Variants in PKD2L1 observed in about 807,000 individuals in gnomAD.
The protein encoded by PKD2L1 is polycystin-2-like protein 1.
PKD2L1 carries 77 observed loss-of-function variants against 93.0 expected under a neutral mutation model. That is an observed-to-expected ratio of 0.83 (90% CI 0.69 to 1.00). The LOEUF is 1.00. PKD2L1 is among the 50% of genes least tolerant of loss of function. PKD2L1 has a pLI of 0.00. For missense variants in PKD2L1, 977 were observed against 990.9 expected (o/e 0.99, Z 0.19); for synonymous variants, 390 against 388.0 (o/e 1.01, Z -0.06).
intron 2 of PKD2L1, among the ~76,000 whole-genome samples, chr10:100,318,885 C>A (rs1381439251): frequency 6.9e-6 from 1 of 144,916 alleles, no homozygotes; most frequent in Non-Finnish European, 1.5e-5. Flanking sequence ...CTCACTCTGT[C>A]GCCCAGGCTG....
At position 100,290,117 on chromosome 10, in the gene PKD2L1, C is replaced by T. The variant is rs373997105; in HGVS notation, c.2148G>A (p.Gln716=). 2 of 1,614,002 alleles carry T rather than the reference C, an allele frequency of 1.2e-6. No individual in the cohort carries two copies. Among genetic ancestry groups the T allele is most frequent in the African/African-American group, 2.7e-5 (2 of 74,920 alleles). The change falls in exon 14 of 16, where the codon CAG becomes CAA. Residue 716 remains glutamine (Q), a synonymous_variant. Coordinates refer to ENST00000318222, the MANE Select transcript of PKD2L1 (RefSeq NM_016112.3). ...CTACTCCTTCCAGGACAGTCTCCAGCTGCAGAACTCTCCTTGTGAGCCTGT... is the reference window on the plus strand; with the variant it reads ...CTACTCCTTCCAGGACAGTCTCCAGTTGCAGAACTCTCCTTGTGAGCCTGT... The part of the protein sequence containing the change: ...EFYMLTRRVL[Q]LETVLEGVVS...
Position 100,295,008 on chromosome 10 carries a change from T to C in PKD2L1, c.1472A>G (p.Tyr491Cys), listed in dbSNP as rs991086889. Reference sequence around the variant, plus strand: ...GAAAAGCAGGTAGCCGAGTTGGGCATAGGCGAAGAAAACAATGAAGAACAT... The same window carrying C: ...GAAAAGCAGGTAGCCGAGTTGGGCACAGGCGAAGAAAACAATGAAGAACAT... Reference protein sequence around the residue: ...AVMFFIVFFAYAQLGYLLFGT... With the variant: ...AVMFFIVFFACAQLGYLLFGT... The change falls in exon 8 of 16, where the codon TAT becomes TGT. Residue 491 changes from tyrosine to cysteine, a missense_variant. Transcript: ENST00000318222. 5.6e-6 allele frequency: 9 copies of C among 1,614,112 alleles called. No individual in the cohort carries two copies. Among genetic ancestry groups the C allele is most frequent in the Admixed American group, 1.7e-5 (1 of 60,004 alleles).
At chr10:100,307,554 G>A (rs1285284356) in intron 2 of PKD2L1, among the ~76,000 whole-genome samples, 1 of 152,180 alleles carries the variant, frequency 6.6e-6, no homozygotes. Context: ...CAGCTACTTG[G>A]GAGGCTAAGG....
chr10:100,288,858 A>G (rs190608972), intron 15 of PKD2L1, 114 bp downstream of exon 15: 137 of 638,908 alleles, frequency 2.1e-4, no homozygotes, highest in Middle Eastern at 4.4e-4. Flanking sequence ...GGGGCTCAGC[A>G]GCAGCCATGA....
intron 2 of PKD2L1, among the ~76,000 whole-genome samples, chr10:100,316,540 T>C (rs780436016): frequency 2.0e-5 from 3 of 152,210 alleles, no homozygotes; most frequent in Non-Finnish European, 4.4e-5. Flanking sequence ...TTCATAAATG[T>C]TTGAATGAAT....
At chr10:100,312,226 G>C (rs1211034756) in intron 2 of PKD2L1, among the ~76,000 whole-genome samples, 3 of 152,214 alleles carry the variant, frequency 2.0e-5, no homozygotes, top group Admixed American at 6.5e-5. Context: ...GACTACAACT[G>C]AGAGAACTAG....
At chr10:100,290,884 G>A (rs1371198319) in intron 12 of PKD2L1, among the ~76,000 whole-genome samples, 1 of 152,222 alleles carries the variant, frequency 6.6e-6, no homozygotes, top group Non-Finnish European at 1.5e-5. Context: ...AGCAGGCACA[G>A]TAGGGACAGC....
chr10:100,305,918 C>T (rs1848788688), intron 2 of PKD2L1, among the ~76,000 whole-genome samples: 1 of 152,128 alleles, frequency 6.6e-6, no homozygotes, highest in South Asian at 2.1e-4. Context: ...GTACAGGGCT[C>T]ACTCGTATAA....
intron 2 of PKD2L1, among the ~76,000 whole-genome samples, chr10:100,300,365 C>T (rs1848648144): frequency 6.6e-6 from 1 of 150,994 alleles, no homozygotes; most frequent in African/African-American, 2.4e-5. Flanking sequence ...CTGTGATTCT[C>T]CCTGTGCACA....
intron 2 of PKD2L1, among the ~76,000 whole-genome samples, chr10:100,311,198 C>T (rs559668524): frequency 4.1e-4 from 62 of 152,286 alleles, no homozygotes; most frequent in African/African-American, 1.3e-3. Context: ...TTTTCTTCTT[C>T]GCTTTGGCCA....
intron 2 of PKD2L1, among the ~76,000 whole-genome samples, chr10:100,324,561 A>T (rs1849335091): frequency 6.6e-6 from 1 of 152,128 alleles, no homozygotes; most frequent in African/African-American, 2.4e-5. Flanking sequence ...TCTCTCTTGA[A>T]AGGTATTTTT....
In PKD2L1 at chr10:100,296,162, T is replaced by C. The variant is rs1424213947; in HGVS notation, c.1316A>G (p.Asn439Ser). ...EFLAFWQTQY[N>S]NMNAVNLFFA... ...GAAGAGGTTGACAGCATTCATGTTGTTGTACTGTGTCTGCCAGAAGGCGAG... is the reference window on the plus strand; with the variant it reads ...GAAGAGGTTGACAGCATTCATGTTGCTGTACTGTGTCTGCCAGAAGGCGAG... Residue 439 changes from asparagine (N) to serine (S), a missense_variant, in exon 7 of 16, where the codon AAC becomes AGC. Physicochemically the swap from Asn to Ser is conservative, Grantham distance 46. Coordinates refer to ENST00000318222, the MANE Select transcript of PKD2L1 (RefSeq NM_016112.3). 1.2e-6 allele frequency: 2 copies of C among 1,611,926 alleles called. No individual in the cohort carries two copies. Among genetic ancestry groups the C allele is most frequent in the Admixed American group, 3.3e-5 (2 of 59,808 alleles).
chr10:100,297,035 T>C lies in PKD2L1; in HGVS notation c.1130A>G (p.His377Arg), dbSNP rs1219672844. The C allele has an allele frequency of 6.2e-7, 1 of 1,614,044 alleles. No individual in the cohort carries two copies. The highest frequency in any genetic ancestry group is 2.2e-5 in the East Asian group (1 of 44,874). ...VVEEILELHI[H>R]RLRYLSSIWN... is the part of the protein sequence containing the mutation. ...GATGCTGCTGAGGTAGCGAAGCCGG[T>C]GAATGTGGAGCTCCAGGATCTCTTC... Residue 377 changes from histidine (H) to arginine (R), a missense_variant, in exon 6 of 16, where the codon CAC (histidine) becomes CGC (arginine). By Grantham distance (29) the His-to-Arg change is conservative (BLOSUM62 0). Coordinates refer to ENST00000318222, the MANE Select transcript of PKD2L1 (RefSeq NM_016112.3).
At chr10:100,320,736 T>C (rs934464964) in intron 2 of PKD2L1, among the ~76,000 whole-genome samples, 2 of 152,224 alleles carry the variant, frequency 1.3e-5, no homozygotes, top group Non-Finnish European at 2.9e-5. Context: ...ACCTATTTAA[T>C]AATAAAAATT....
At position 100,294,526 on chromosome 10, in the gene PKD2L1, G is replaced by C. The variant is rs761410088; in HGVS notation, c.1659+9C>G. 7.4e-6 allele frequency: 12 copies of C among 1,613,888 alleles called. No homozygotes were observed. Among genetic ancestry groups the C allele is most frequent in the Admixed American group, 1.7e-5 (1 of 59,988 alleles). On this transcript the variant is annotated intron_variant, in intron 9 of 15. Transcript: ENST00000318222. ...TCTCTATGTCCCCACCCCTCAGAGA[G>C]ACCCTCACCAGGAGCACGAAGAAGA...
chr10:100,323,697 T>C (rs1849314342), intron 2 of PKD2L1, among the ~76,000 whole-genome samples: 1 of 152,266 alleles, frequency 6.6e-6, no homozygotes, highest in Admixed American at 6.5e-5. Flanking sequence ...TTTAAAATCA[T>C]CTCTTTTAGC....
chr10:100,323,266 C>CTTTTA (rs1257360450), intron 2 of PKD2L1, among the ~76,000 whole-genome samples: 130 of 152,124 alleles, frequency 8.5e-4, no homozygotes, highest in African/African-American at 3.1e-3. Flanking sequence ...ATAATCACGG[C>CTTTTA]TTTTATTTTA....
chr10:100,310,238 G>A (rs991476564), intron 2 of PKD2L1, among the ~76,000 whole-genome samples: 5 of 152,134 alleles, frequency 3.3e-5, no homozygotes, highest in African/African-American at 1.2e-4. Flanking sequence ...GGGAGGCTGA[G>A]GCAGGAGGGT....
chr10:100,290,665 C>A lies in PKD2L1; in HGVS notation c.2008-146G>T, dbSNP rs978639968. 5 of 610,992 alleles carry A rather than the reference C, an allele frequency of 8.2e-6. No homozygotes were observed. In the African/African-American group the frequency reaches 9.2e-5, roughly 11 times the overall value. The allele number at this position is 610,992 out of a possible 1,614,324, so 37.8% of individuals were successfully genotyped here. A position where few individuals can be genotyped will look rare whatever the true frequency, so the allele number is the denominator to read the frequency against. ...CCCCTTCCCTCCCAGACTCTGGAGACAATAGGGTCAGGGTGGTGGTGCTGG... is the reference window on the plus strand; with the variant it reads ...CCCCTTCCCTCCCAGACTCTGGAGAAAATAGGGTCAGGGTGGTGGTGCTGG... On this transcript the variant is annotated intron_variant, in intron 12 of 15. Coordinates refer to ENST00000318222, the MANE Select transcript of PKD2L1 (RefSeq NM_016112.3).
Sources: gnomAD v4.1 joint callset for allele counts (sites outside exome capture counted in the v4.1 genomes callset) on GRCh38, gnomAD v4.1.1 for gene constraint, MANE v1.5 for transcripts, NCBI Gene and HGNC (gene_info 2026-07-23, HGNC 2026-07-21) for gene names.